The following ANO10 variants were observed in gnomAD, a reference collection of about 807,000 sequenced individuals.
The protein encoded by ANO10 is anoctamin-10.
A neutral mutation model predicts 74.7 loss-of-function variants in ANO10; 77 were observed. That is an observed-to-expected ratio of 1.03 (90% CI 0.86 to 1.25). The LOEUF (loss-of-function observed/expected upper bound fraction) is 1.25, where lower values mean the gene tolerates loss of function less well. Ranked by LOEUF, ANO10 falls within the 50% of genes most tolerant of loss-of-function variation. The pLI, the probability that ANO10 is intolerant of heterozygous loss-of-function variation, is 0.00. For missense variants in ANO10, 721 were observed against 778.1 expected, an observed-to-expected ratio of 0.93 and a Z score of 0.87; for synonymous variants, 279 against 284.9, an observed-to-expected ratio of 0.98 and a Z score of 0.21.
chr3:43,515,181 G>A (rs1231943876), intron 11 of ANO10, among the ~76,000 whole-genome samples: 1 of 152,156 alleles, frequency 6.6e-6, no homozygotes, highest in Non-Finnish European at 1.5e-5. Context: ...TGAGCCATGG[G>A]TGCCAGGATA....
At chr3:43,686,478 G>A (rs1186404032) in intron 1 of ANO10, among the ~76,000 whole-genome samples, 3 of 152,032 alleles carry the variant, frequency 2.0e-5, no homozygotes, top group Non-Finnish European at 4.4e-5. Context: ...TAGAGATGGG[G>A]TCTTGCCACG....
At chr3:43,367,979 G>C (rs1350220436) in intron 12 of ANO10, among the ~76,000 whole-genome samples, 1 of 152,190 alleles carries the variant, frequency 6.6e-6, no homozygotes, top group Non-Finnish European at 1.5e-5. Context: ...CTTTCAGTGG[G>C]AGAAGCCCCT....
Position 43,600,429 on chromosome 3 carries a change from T to C in ANO10, c.292A>G (p.Arg98Gly), listed in dbSNP as rs2082286384. Residue 98 changes from arginine (R) to glycine (G), a missense_variant, in exon 3 of 13, where the codon AGA (arginine) becomes GGA (glycine). Coordinates refer to ENST00000292246, the MANE Select transcript of ANO10 (RefSeq NM_018075.5). ...TGTCTGGTTCTGTATGTGAAGGCTC[T>C]CATGGTGTTATCATTGCACTCTTTT... ...LVKECNDNTMRAFTYRTRQNF... is the reference protein window; with the variant it reads ...LVKECNDNTMGAFTYRTRQNF... 6.2e-7 allele frequency: 1 copy of C among 1,614,014 alleles called. No homozygotes were observed. The highest frequency in any genetic ancestry group is 1.3e-5 in the African/African-American group (1 of 74,930).
chr3:43,487,982 T>C (rs1481280479), intron 11 of ANO10, among the ~76,000 whole-genome samples: 2 of 152,044 alleles, frequency 1.3e-5, no homozygotes, highest in Non-Finnish European at 2.9e-5. Context: ...TATAGATCAA[T>C]GGAACAGAAC....
At chr3:43,488,563 G>T (rs1317388287) in intron 11 of ANO10, among the ~76,000 whole-genome samples, 1 of 152,076 alleles carries the variant, frequency 6.6e-6, no homozygotes, top group Non-Finnish European at 1.5e-5. Flanking sequence ...AAAGACACAT[G>T]AAAAAATGCT....
intron 2 of ANO10, among the ~76,000 whole-genome samples, chr3:43,600,916 T>C (rs984534314): frequency 2.0e-5 from 3 of 152,050 alleles, no homozygotes; most frequent in Non-Finnish European, 4.4e-5. Context: ...TTAATATAAA[T>C]AGACGAAAAT....
intron 1 of ANO10, among the ~76,000 whole-genome samples, chr3:43,670,787 G>A (rs2084049697): frequency 6.6e-6 from 1 of 152,142 alleles, no homozygotes; most frequent in South Asian, 2.1e-4. Context: ...AATTAGTCTT[G>A]TCAGTTTCAT....
At chr3:43,648,516 A>G (rs1225579607) in intron 1 of ANO10, among the ~76,000 whole-genome samples, 2 of 151,952 alleles carry the variant, frequency 1.3e-5, no homozygotes, top group African/African-American at 4.8e-5. Context: ...AAACAAGGAG[A>G]TTATTCATGC....
chr3:43,660,421 A>C (rs2083912648), intron 1 of ANO10, among the ~76,000 whole-genome samples: 1 of 152,116 alleles, frequency 6.6e-6, no homozygotes, highest in Non-Finnish European at 1.5e-5. Flanking sequence ...TGGAGCTGAA[A>C]ACCACAGTAC....
chr3:43,500,912 C>T lies in ANO10; in HGVS notation c.1797+48808G>A, dbSNP rs543363022. 6.6e-5 allele frequency among the ~76,000 whole-genome samples: 10 copies of T among 152,186 alleles called. No individual in the cohort carries two copies. The South Asian group carries it at 1.7e-3, about 25-fold the overall frequency. On this transcript the variant is annotated intron_variant, in intron 11 of 12. Transcript: ENST00000292246. The stretch of plus-strand genomic sequence containing the variant: ...TGATCAACAACAACAACAACAAAAA[C>T]GGAAGGCAGACCATCTTATAACACA...
intron 12 of ANO10, among the ~76,000 whole-genome samples, chr3:43,387,288 GA>G (rs1255407910): frequency 6.6e-6 from 1 of 152,182 alleles, no homozygotes; most frequent in African/African-American, 2.4e-5. Context: ...GTCCGTCATT[GA>G]CCAAAACGTC....
intron 11 of ANO10, among the ~76,000 whole-genome samples, chr3:43,546,010 G>C (rs2079175329): frequency 6.6e-6 from 1 of 152,128 alleles, no homozygotes; most frequent in African/African-American, 2.4e-5. Flanking sequence ...AATAGCATTG[G>C]TAAATTTCTA....
chr3:43,551,367 T>G (rs560765761), intron 10 of ANO10: 5 of 353,828 alleles, frequency 1.4e-5, no homozygotes, highest in Non-Finnish European at 2.8e-5. Flanking sequence ...GTAACTAAAC[T>G]TTCAGGTTTT....
chr3:43,397,800 CA>C (rs2092409637), intron 12 of ANO10, among the ~76,000 whole-genome samples: 1 of 152,212 alleles, frequency 6.6e-6, no homozygotes, highest in African/African-American at 2.4e-5. Flanking sequence ...CTCTGCCTCT[CA>C]GTGGGGCAAA....
intron 12 of ANO10, among the ~76,000 whole-genome samples, chr3:43,406,140 C>T (rs865860845): frequency 1.3e-4 from 20 of 152,156 alleles, no homozygotes; most frequent in African/African-American, 4.6e-4. Context: ...TGGAAGCTCC[C>T]AGGGCAGTGG....
intron 4 of ANO10, 109 bp downstream of exon 4, chr3:43,598,423 T>C: frequency 9.2e-7 from 1 of 1,085,782 alleles, no homozygotes; most frequent in Non-Finnish European, 1.3e-6. Context: ...TTCATAAAAA[T>C]ACAAGTTATT....
chr3:43,560,315 A>G (rs2079967658), intron 9 of ANO10, among the ~76,000 whole-genome samples: 1 of 152,188 alleles, frequency 6.6e-6, no homozygotes, highest in South Asian at 2.1e-4. Context: ...AGTGGGGGCA[A>G]CTGCAAAAAA....
intron 11 of ANO10, among the ~76,000 whole-genome samples, chr3:43,443,265 T>C (rs948054383): frequency 1.3e-5 from 2 of 152,174 alleles, no homozygotes; most frequent in African/African-American, 4.8e-5. Context: ...TCTTAAAAGA[T>C]GTACAGCAAA....
intron 11 of ANO10, among the ~76,000 whole-genome samples, chr3:43,486,768 CT>C (rs2076508026): frequency 6.6e-6 from 1 of 152,010 alleles, no homozygotes; most frequent in South Asian, 2.1e-4. Flanking sequence ...ATGTGACTTC[CT>C]CTTTTACTAA....
Sources: allele counts gnomAD v4.1 joint callset (sites outside exome capture counted in the v4.1 genomes callset), GRCh38; gene constraint gnomAD v4.1.1; transcripts MANE v1.5; gene names NCBI Gene and HGNC (gene_info 2026-07-23, HGNC 2026-07-21).